PTK2: variants seen among roughly 807,000 people sequenced by gnomAD.
The protein encoded by PTK2 is focal adhesion kinase 1.
PTK2 carries 45 observed loss-of-function variants against 150.1 expected under a neutral mutation model. The ratio of observed to expected loss-of-function variants is 0.30; its 90% CI spans 0.24 to 0.38. The LOEUF (loss-of-function observed/expected upper bound fraction) is 0.38. Among genes scored for constraint, PTK2 ranks in the 10% least tolerant of loss-of-function variants. The pLI is 1.00. For missense variants in PTK2, 919 were observed against 1,307.3 expected, an observed-to-expected ratio of 0.70 and a Z score of 4.58; for synonymous variants, 432 against 449.2, an observed-to-expected ratio of 0.96 and a Z score of 0.48.
intron 1 of PTK2, among the ~76,000 whole-genome samples, chr8:140,965,474 A>C (rs1172376836): frequency 2.0e-5 from 3 of 152,202 alleles, no homozygotes; most frequent in Non-Finnish European, 1.5e-5. Context: ...TTGGACATGC[A>C]CGGTACCAGA....
chr8:140,722,845 C>G (rs2100043771), intron 22 of PTK2, among the ~76,000 whole-genome samples: 1 of 152,138 alleles, frequency 6.6e-6, no homozygotes, highest in Non-Finnish European at 1.5e-5. Context: ...TTCTTCTACT[C>G]CTTCAAATAA....
chr8:140,865,938 C>T (rs987491170), intron 4 of PTK2, among the ~76,000 whole-genome samples: 3 of 152,128 alleles, frequency 2.0e-5, no homozygotes, highest in Non-Finnish European at 4.4e-5. Context: ...ACACCTGCCA[C>T]CATGGCTGGC....
intron 22 of PTK2, among the ~76,000 whole-genome samples, chr8:140,732,813 G>A (rs1255984696): frequency 6.6e-6 from 1 of 152,182 alleles, no homozygotes; most frequent in Non-Finnish European, 1.5e-5. Flanking sequence ...GACTCAGAGG[G>A]TGAAGGCTAG....
rs144253689 is a variant in PTK2, at chr8:140,813,482, A to T, written c.867+4795T>A. 5.2e-3 allele frequency among the ~76,000 whole-genome samples: 796 copies of T among 152,120 alleles called. 4 individuals carry two copies. The highest frequency in any genetic ancestry group is 0.018 in the African/African-American group (762 of 41,490). ...CAGCACGGCCAAGTTAAAAATCATG[A>T]CTGAGAAATTTGCTCAAAACCACAC... On this transcript the variant is annotated intron_variant, in intron 10 of 31. Transcript: ENST00000522684.
At chr8:140,686,153 C>T (rs1254984201) in intron 27 of PTK2, among the ~76,000 whole-genome samples, 2 of 152,108 alleles carry the variant, frequency 1.3e-5, no homozygotes, top group Non-Finnish European at 2.9e-5. Flanking sequence ...AAAACCAATA[C>T]CACATGTTCT....
chr8:140,722,569 C>T (rs2100043540), intron 22 of PTK2, among the ~76,000 whole-genome samples: 1 of 152,194 alleles, frequency 6.6e-6, no homozygotes, highest in South Asian at 2.1e-4. Flanking sequence ...TGCCCAGCCC[C>T]TGTTCTCTCA....
At chr8:140,881,582 A>G (rs2100149091) in intron 3 of PTK2, among the ~76,000 whole-genome samples, 1 of 152,220 alleles carries the variant, frequency 6.6e-6, no homozygotes, top group Non-Finnish European at 1.5e-5. Context: ...CAGTGTCTAC[A>G]GTGGTCTCTA....
At chr8:140,722,218 C>CT (rs1038380479) in intron 22 of PTK2, among the ~76,000 whole-genome samples, 2 of 152,222 alleles carry the variant, frequency 1.3e-5, no homozygotes, top group Non-Finnish European at 1.5e-5. Flanking sequence ...AGTGATCCCC[C>CT]TGCCCTGGCC....
chr8:140,706,057 C>T, intron 24 of PTK2, 62 bp downstream of exon 27: 5 of 1,359,490 alleles, frequency 3.7e-6, no homozygotes, highest in East Asian at 2.3e-5. Context: ...CAATGTACCG[C>T]TCTACCCCAA....
rs758659747 is a variant in PTK2, at chr8:140,734,660, C to G, written c.2030+591G>C. 1.0e-5 allele frequency: 5 copies of G among 484,148 alleles called. No homozygotes were observed. The East Asian group carries it at 2.9e-4, about 28-fold the overall frequency. 30.0% of individuals were successfully genotyped at this position (484,148 alleles called of 1,614,324 possible). ...TAGTAGCCACAAAATGGCACCTGAA[C>G]AAGCAATGGATGTTTTAAATATAAA... On this transcript the variant is annotated intron_variant, in intron 22 of 31. Transcript: ENST00000522684.
At chr8:140,996,020 G>A (rs1428998068) in intron 1 of PTK2, among the ~76,000 whole-genome samples, 2 of 152,168 alleles carry the variant, frequency 1.3e-5, no homozygotes, top group African/African-American at 2.4e-5. Context: ...GTGAGGCGGA[G>A]GGTGCAGTCA....
chr8:140,664,155 T>G (rs953347358), intron 31 of PTK2, among the ~76,000 whole-genome samples: 17 of 152,196 alleles, frequency 1.1e-4, no homozygotes, highest in African/African-American at 3.9e-4. Flanking sequence ...AGCTACTTTT[T>G]GTATTTTTAG....
At chr8:140,885,231 C>A (rs546209467) in intron 3 of PTK2, among the ~76,000 whole-genome samples, 6 of 152,220 alleles carry the variant, frequency 3.9e-5, no homozygotes, top group African/African-American at 1.4e-4. Flanking sequence ...AAATCAATAT[C>A]TTTGTGGTTA....
chr8:140,839,489 C>T (rs527624645), intron 7 of PTK2, among the ~76,000 whole-genome samples: 12 of 151,990 alleles, frequency 7.9e-5, no homozygotes, highest in African/African-American at 2.4e-4. Flanking sequence ...AAGAAATAAA[C>T]GGCACAAACA....
chr8:140,806,520 A>T (rs951251625), intron 10 of PTK2, among the ~76,000 whole-genome samples: 4 of 149,136 alleles, frequency 2.7e-5, no homozygotes, highest in Non-Finnish European at 4.4e-5. Context: ...TCTCATAATT[A>T]AAAAAAAAAT....
intron 20 of PTK2, among the ~76,000 whole-genome samples, chr8:140,742,879 T>G (rs535860272): frequency 6.6e-6 from 1 of 152,342 alleles, no homozygotes; most frequent in East Asian, 1.9e-4. Context: ...TTTATCAACT[T>G]TTTCCTTTTA....
intron 2 of PTK2, among the ~76,000 whole-genome samples, chr8:140,919,041 T>C (rs547257882): frequency 6.6e-6 from 1 of 152,234 alleles, no homozygotes; most frequent in African/African-American, 2.4e-5. Context: ...AGTTACACAC[T>C]GGGCAATCAC....
chr8:140,974,208 C>G (rs2100188434), intron 1 of PTK2, among the ~76,000 whole-genome samples: 1 of 152,190 alleles, frequency 6.6e-6, no homozygotes, highest in Admixed American at 6.5e-5. Flanking sequence ...CCTGCTTCTC[C>G]TGCTTTGCTC....
chr8:140,843,659 T>G (rs1012683691), intron 7 of PTK2, among the ~76,000 whole-genome samples: 3 of 152,198 alleles, frequency 2.0e-5, no homozygotes, highest in Non-Finnish European at 4.4e-5. Flanking sequence ...TTAGATCATC[T>G]CTAACTACTT....
Sources: gnomAD v4.1 joint callset for allele counts (sites outside exome capture counted in the v4.1 genomes callset) on GRCh38, gnomAD v4.1.1 for gene constraint, MANE v1.5 for transcripts, NCBI Gene and HGNC (gene_info 2026-07-23, HGNC 2026-07-21) for gene names.